Variants in DOCK4 observed in about 807,000 individuals in gnomAD.
The protein encoded by DOCK4 is dedicator of cytokinesis protein 4.
Under a neutral mutation model 268.1 loss-of-function variants are expected in DOCK4, and 97 were observed. That is an observed-to-expected ratio of 0.36 (90% CI 0.31 to 0.43). The LOEUF is 0.43. Among genes scored for constraint, DOCK4 ranks in the 20% least tolerant of loss-of-function variants. DOCK4 has a pLI of 1.00. For synonymous variants in DOCK4, 954 were observed against 887.2 expected (o/e 1.08, Z -1.34); for missense variants, 2,145 against 2,455.7 (o/e 0.87, Z 2.67).
intron 1 of DOCK4, among the ~76,000 whole-genome samples, chr7:112,097,339 C>T (rs759392327): frequency 8.6e-4 from 131 of 152,034 alleles, no homozygotes; most frequent in Admixed American, 3.3e-3. Flanking sequence ...CTTGGGAGGC[C>T]GTGGTGGGAA....
intron 36 of DOCK4, among the ~76,000 whole-genome samples, chr7:111,775,025 A>G (rs1798358284): frequency 6.6e-6 from 1 of 152,234 alleles, no homozygotes; most frequent in African/African-American, 2.4e-5. Flanking sequence ...TCAGAGGCAG[A>G]CAGGTGAGAA....
Position 111,869,614 on chromosome 7 carries a change from G to C in DOCK4, c.2069C>G (p.Thr690Arg), listed in dbSNP as rs1237946497. 1 of 1,613,468 alleles carries C rather than the reference G, an allele frequency of 6.2e-7. No individual in the cohort carries two copies. Among genetic ancestry groups the C allele is most frequent in the Non-Finnish European group, 8.5e-7 (1 of 1,179,578 alleles). ...KVLKWYVDRI[T>R]EAERQEHIQE... ...GATATGCTCTTGCCGCTCTGCTTCT[G>C]TGATCCGGTCCACGTACCATTTGAG... The change falls in exon 21 of 53, where the codon ACA (threonine) becomes AGA (arginine). Residue 690 changes from threonine (T) to arginine (R), a missense_variant. Around this residue, in one of 2 missense-constraint regions of DOCK4, gnomAD observed 1,598 missense variants for 1,986.7 expected, o/e 0.80. Coordinates refer to ENST00000428084, the MANE Select transcript of DOCK4 (RefSeq NM_001363540.2).
chr7:112,117,527 C>A (rs1167147839), intron 1 of DOCK4, among the ~76,000 whole-genome samples: 1 of 152,094 alleles, frequency 6.6e-6, no homozygotes, highest in African/African-American at 2.4e-5. Flanking sequence ...CCAGCCACCA[C>A]GCCTGGCTAA....
At chr7:112,004,922 A>T (rs1011806130) in intron 1 of DOCK4, among the ~76,000 whole-genome samples, 1 of 152,218 alleles carries the variant, frequency 6.6e-6, no homozygotes, top group South Asian at 2.1e-4. Flanking sequence ...GTACGCACAG[A>T]TTAGTCCTTT....
chr7:111,816,626 G>A (rs1339719307), intron 27 of DOCK4, among the ~76,000 whole-genome samples: 1 of 152,148 alleles, frequency 6.6e-6, no homozygotes, highest in Non-Finnish European at 1.5e-5. Context: ...AGGAAGGGCT[G>A]GAACTTAGAG....
intron 27 of DOCK4, among the ~76,000 whole-genome samples, chr7:111,813,495 T>C (rs73434292): frequency 0.073 from 11,176 of 152,180 alleles, 1,389 homozygotes; most frequent in African/African-American, 0.25. Flanking sequence ...TTCAAGGTAA[T>C]GAAAAGGAAA....
At chr7:112,196,132 A>G (rs1363113330) in intron 1 of DOCK4, among the ~76,000 whole-genome samples, 1 of 152,110 alleles carries the variant, frequency 6.6e-6, no homozygotes, top group East Asian at 1.9e-4. Context: ...GATTAAGGCA[A>G]CCTGGATCTC....
chr7:111,792,445 C>T (rs1799612516), intron 30 of DOCK4, among the ~76,000 whole-genome samples: 1 of 152,100 alleles, frequency 6.6e-6, no homozygotes, highest in Non-Finnish European at 1.5e-5. Context: ...TGCAATGGCA[C>T]AATCTCGGCT....
chr7:111,855,106 A>T (rs1804892935), intron 23 of DOCK4, among the ~76,000 whole-genome samples: 2 of 152,216 alleles, frequency 1.3e-5, no homozygotes, highest in African/African-American at 2.4e-5. Flanking sequence ...GAGATGAGGC[A>T]GGTGGACGGG....
At chr7:112,139,788 G>A (rs1296485709) in intron 1 of DOCK4, among the ~76,000 whole-genome samples, 1 of 152,190 alleles carries the variant, frequency 6.6e-6, no homozygotes, top group African/African-American at 2.4e-5. Flanking sequence ...GGAAATAGCA[G>A]AATAGGAGGT....
At chr7:111,764,000 G>C (rs1797617349) in intron 39 of DOCK4, among the ~76,000 whole-genome samples, 1 of 152,094 alleles carries the variant, frequency 6.6e-6, no homozygotes, top group African/African-American at 2.4e-5. Context: ...TGCTGTTTTT[G>C]ATCAGGAATC....
chr7:111,951,722 C>T (rs957727680), intron 8 of DOCK4, among the ~76,000 whole-genome samples: 12 of 150,786 alleles, frequency 8.0e-5, no homozygotes, highest in Admixed American at 7.3e-4. Flanking sequence ...TCCTATAATC[C>T]CAGGCACTCA....
At chr7:112,138,773 C>T (rs557087592) in intron 1 of DOCK4, among the ~76,000 whole-genome samples, 1 of 152,140 alleles carries the variant, frequency 6.6e-6, no homozygotes, top group Admixed American at 6.5e-5. Flanking sequence ...TATATTAGGT[C>T]CTGAGGGTGG....
intron 1 of DOCK4, among the ~76,000 whole-genome samples, chr7:112,033,006 T>C (rs1203322956): frequency 1.3e-5 from 2 of 152,240 alleles, no homozygotes; most frequent in Admixed American, 1.3e-4. Context: ...TAATAACTTC[T>C]GACTTCAATC....
At chr7:112,105,111 T>C (rs191583330) in intron 1 of DOCK4, among the ~76,000 whole-genome samples, 3 of 152,194 alleles carry the variant, frequency 2.0e-5, no homozygotes, top group African/African-American at 4.8e-5. Context: ...TCTGCTCTTG[T>C]ATCCAAGTGG....
chr7:112,044,034 T>G (rs552658458), intron 1 of DOCK4, among the ~76,000 whole-genome samples: 1 of 150,642 alleles, frequency 6.6e-6, no homozygotes, highest in South Asian at 2.3e-4. Context: ...TCCTGTCAAT[T>G]AAGTTCCCAA....
At chr7:111,869,690 T>C (rs373127826) in intron 20 of DOCK4, 35 bp from the exon 21 acceptor site, 1 of 1,588,544 alleles carries the variant, frequency 6.3e-7, no homozygotes, top group African/African-American at 1.3e-5. Context: ...GAATGTAAAA[T>C]TGGTCTAATT....
rs187865399 is a variant in DOCK4 at position 111,862,707 on chromosome 7, G to A, written c.2473+665C>T. ...GGGTTTCACCATGTTGGCCAGGCTGGTCTTGAACTCCTGACCTCAAGTGAT... is the reference window on the plus strand; with the variant it reads ...GGGTTTCACCATGTTGGCCAGGCTGATCTTGAACTCCTGACCTCAAGTGAT... On this transcript the variant is annotated intron_variant, in intron 23 of 52. Transcript: ENST00000428084. Among the ~76,000 whole-genome samples, 257 of 151,974 alleles carry A rather than the reference G, an allele frequency of 1.7e-3. 1 individual carries two copies. Among genetic ancestry groups the A allele is most frequent in the Non-Finnish European group, 2.0e-3 (135 of 67,924 alleles).
chr7:111,766,810 T>C (rs867425645), intron 38 of DOCK4, among the ~76,000 whole-genome samples: 1 of 152,244 alleles, frequency 6.6e-6, no homozygotes, highest in African/African-American at 2.4e-5. Context: ...ATATTTCATA[T>C]GTGGTATTTA....
Sources: allele counts gnomAD v4.1 joint callset (sites outside exome capture counted in the v4.1 genomes callset), GRCh38; gene constraint gnomAD v4.1.1; regional missense constraint gnomAD v4.1.1; transcripts MANE v1.5; gene names NCBI Gene and HGNC (gene_info 2026-07-23, HGNC 2026-07-21).